NKTR: variants seen among roughly 807,000 people sequenced by gnomAD.
The protein encoded by NKTR is NK-tumor recognition protein.
In NKTR, 67 loss-of-function variants were observed where a neutral mutation model predicts 156.3. The observed-to-expected ratio is 0.43, with a 90% CI of 0.35 to 0.53. The LOEUF is 0.53. Among genes scored for constraint, NKTR ranks in the 20% least tolerant of loss-of-function variants. The probability of loss-of-function intolerance (pLI) is 0.01; values close to 1 mark genes in which losing one functional copy is unlikely to be tolerated. For missense variants in NKTR, 1,604 were observed against 1,730.9 expected (o/e 0.93, Z 1.30); for synonymous variants, 640 against 596.6 (o/e 1.07, Z -1.06).
intron 5 of NKTR, 43 bp downstream of exon 5, chr3:42,619,751 T>C (rs780348386): frequency 1.9e-6 from 3 of 1,602,994 alleles, no homozygotes; most frequent in Non-Finnish European, 1.7e-6. Flanking sequence ...AGTTCTGATA[T>C]TAAAGCAAGT....
rs76544875 is a variant in NKTR, at chr3:42,639,610, G to A, written c.3906G>A (p.Thr1302=). The A allele has an allele frequency of 1.1e-3, 1,795 of 1,614,152 alleles. 9 individuals are homozygous for A. The East Asian group carries it at 0.016, about 14-fold the overall frequency. ...RNQESSSDEQ[T]PSRDDDSQSR... ...AGGAGAGTTCAAGTGATGAGCAGACGCCTAGTCGGGATGATGATAGCCAGT... is the reference window on the plus strand; with the variant it reads ...AGGAGAGTTCAAGTGATGAGCAGACACCTAGTCGGGATGATGATAGCCAGT... Residue 1302 remains threonine, a synonymous_variant, in exon 13 of 17, where the codon ACG becomes ACA. Coordinates refer to ENST00000232978, the MANE Select transcript of NKTR (RefSeq NM_005385.4).
chr3:42,640,797 T>G (rs1201589840), intron 13 of NKTR, among the ~76,000 whole-genome samples: 2 of 152,242 alleles, frequency 1.3e-5, no homozygotes, highest in African/African-American at 4.8e-5. Context: ...TAGCTCTCCT[T>G]TCTCCCACTC....
At position 42,638,279 on chromosome 3, in the gene NKTR, A is replaced by G. The variant is rs549962444; in HGVS notation, c.2575A>G (p.Arg859Gly). The G allele has an allele frequency of 5.4e-5, 87 of 1,606,528 alleles. 1 individual carries two copies. In the South Asian group the frequency reaches 7.2e-4, roughly 13 times the overall value. Residue 859 changes from arginine (R) to glycine (G), a missense_variant, in exon 13 of 17, where the codon AGA (arginine) becomes GGA (glycine). Physicochemically the swap from Arg to Gly is moderately radical, Grantham distance 125. This residue lies in a region of NKTR where 1,255 missense variants were observed against 1,243.7 expected (regional missense o/e 1.01). Transcript: ENST00000232978. ...SERECPHSKK[R>G]TLKENLSDHL... Reference sequence around the variant, plus strand: ...ACGGGAATGCCCTCATTCAAAAAAAAGAACTTTGAAAGAGAATCTTTCTGA... The same window carrying G: ...ACGGGAATGCCCTCATTCAAAAAAAGGAACTTTGAAAGAGAATCTTTCTGA...
intron 11 of NKTR, 56 bp downstream of exon 11, chr3:42,634,756 A>C: frequency 1.1e-6 from 1 of 896,958 alleles, no homozygotes. Flanking sequence ...ATTTTTACCT[A>C]TTTTCAAAGT....
In NKTR at chr3:42,638,681, G is replaced by C; in HGVS notation, c.2977G>C (p.Val993Leu). 1 of 1,611,758 alleles carries C rather than the reference G, an allele frequency of 6.2e-7. No homozygotes were observed. The highest frequency in any genetic ancestry group is 2.2e-5 in the East Asian group (1 of 44,872). ...ENLKREHTKK[V>L]KEKLKGKKDK... ...TCTTAAAAGAGAACACACCAAAAAA[G>C]TGAAAGAGAAATTGAAAGGGAAAAA... Residue 993 changes from valine to leucine, a missense_variant, in exon 13 of 17, where the codon GTG (valine) becomes CTG (leucine). Physicochemically the swap from Val to Leu is conservative, Grantham distance 32. This residue lies in a region of NKTR where 1,255 missense variants were observed against 1,243.7 expected (regional missense o/e 1.01). Coordinates refer to ENST00000232978, the MANE Select transcript of NKTR (RefSeq NM_005385.4).
chr3:42,616,184 T>C (rs1707352646), intron 2 of NKTR, among the ~76,000 whole-genome samples: 1 of 152,232 alleles, frequency 6.6e-6, no homozygotes, highest in Admixed American at 6.5e-5. Context: ...GTGTCTGTTC[T>C]GAACATGATT....
rs565206034 is a variant in NKTR at position 42,632,176 on chromosome 3, T to C, written c.551-425T>C. ...CCTCTGCCTCCTGGGTTCAGGTGATTCTCCTGCCTCAGCCTCTGGAGTAGC... is the reference window on the plus strand; with the variant it reads ...CCTCTGCCTCCTGGGTTCAGGTGATCCTCCTGCCTCAGCCTCTGGAGTAGC... On this transcript the variant is annotated intron_variant, in intron 8 of 16. Transcript: ENST00000232978. Among the ~76,000 whole-genome samples, 5 of 151,226 alleles carry C rather than the reference T, an allele frequency of 3.3e-5. No individual in the cohort carries two copies. The South Asian group carries it at 8.4e-4, about 25-fold the overall frequency.
intron 12 of NKTR, among the ~76,000 whole-genome samples, chr3:42,636,388 T>C (rs1709415721): frequency 6.6e-6 from 1 of 152,194 alleles, no homozygotes; most frequent in African/African-American, 2.4e-5. Context: ...TTTACAGTCT[T>C]AGGGGAAATC....
Position 42,601,006 on chromosome 3 carries a change from G to A in NKTR, c.-1G>A, listed in dbSNP as rs773657695. 6.4e-7 allele frequency: 1 copy of A among 1,567,054 alleles called. No individual in the cohort carries two copies. On this transcript the variant is annotated 5_prime_UTR_variant, in exon 2 of 17. Coordinates refer to ENST00000232978, the MANE Select transcript of NKTR (RefSeq NM_005385.4). ...CAGCTCTTGCCGCCACCTCGGTCGC[G>A]ATGGGGGCGCAGGACCGGCCGCAGT...
In NKTR at chr3:42,633,857, T is replaced by C. The variant is rs1396523298; in HGVS notation, c.929+122T>C. 7 of 1,067,334 alleles carry C rather than the reference T, an allele frequency of 6.6e-6. No individual in the cohort carries two copies. The East Asian group carries it at 1.7e-4, about 25-fold the overall frequency. 66.1% of individuals were successfully genotyped at this position (1,067,334 alleles called of 1,614,324 possible). On this transcript the variant is annotated intron_variant, in intron 10 of 16. Coordinates refer to ENST00000232978, the MANE Select transcript of NKTR (RefSeq NM_005385.4). ...GTTTGAAGCACATTGAAAGATAGTA[T>C]GGGAGTATTAGATTAATGAATGATA...
intron 1 of NKTR, 22 bp from the exon 2 acceptor site, chr3:42,600,962 C>G: frequency 1.3e-6 from 2 of 1,497,958 alleles, no homozygotes; most frequent in Non-Finnish European, 1.8e-6. Context: ...GCCCTGACCG[C>G]TTTTCTCCCC....
chr3:42,637,756 A>T lies in NKTR; in HGVS notation c.2052A>T (p.Arg684Ser). The T allele has an allele frequency of 6.2e-7, 1 of 1,613,786 alleles. No homozygotes were observed. Among genetic ancestry groups the T allele is most frequent in the Non-Finnish European group, 8.5e-7 (1 of 1,179,944 alleles). The change falls in exon 13 of 17, where the codon AGA becomes AGT. Residue 684 changes from arginine (R) to serine (S), a missense_variant. Coordinates refer to ENST00000232978, the MANE Select transcript of NKTR (RefSeq NM_005385.4). ...GCACTTATTCAAAATACAGTGATAGAAGTTCAGAAAGCTCACCAAGGTCAA... is the reference window on the plus strand; with the variant it reads ...GCACTTATTCAAAATACAGTGATAGTAGTTCAGAAAGCTCACCAAGGTCAA... ...DQSTYSKYSD[R>S]SSESSPRSRS... is the part of the protein sequence containing the mutation.
At chr3:42,622,812 T>C (rs887738481) in intron 6 of NKTR, among the ~76,000 whole-genome samples, 1 of 152,076 alleles carries the variant, frequency 6.6e-6, no homozygotes, top group Non-Finnish European at 1.5e-5. Flanking sequence ...GTTTATCCTT[T>C]GGTTGAGGTT....
intron 14 of NKTR, among the ~76,000 whole-genome samples, chr3:42,643,127 A>G (rs1018621025): frequency 6.6e-6 from 1 of 152,246 alleles, no homozygotes; most frequent in Non-Finnish European, 1.5e-5. Flanking sequence ...GACTATATGC[A>G]TCTCAGAGAA....
At position 42,633,727 on chromosome 3, in the gene NKTR, A is replaced by G; in HGVS notation, c.921A>G (p.Glu307=). 6 of 1,613,956 alleles carry G rather than the reference A, an allele frequency of 3.7e-6. No individual in the cohort carries two copies. Among genetic ancestry groups the G allele is most frequent in the Non-Finnish European group, 5.1e-6 (6 of 1,179,930 alleles). ...LRRDMPVVTA[E]PEPKIPDVAP... is the part of the protein sequence containing the mutation. ...GAGATATGCCTGTTGTTACTGCAGA[A>G]CCTGAACCGTAAGTAGGATGACTAA... Residue 307 remains glutamate (E), a synonymous_variant, in exon 10 of 17, where the codon GAA becomes GAG. Transcript: ENST00000232978.
chr3:42,618,862 A>G (rs1707648542), intron 3 of NKTR, among the ~76,000 whole-genome samples, 158 bp from the exon 4 acceptor site: 1 of 152,112 alleles, frequency 6.6e-6, no homozygotes, highest in South Asian at 2.1e-4. Context: ...GTTTGCGTGC[A>G]TGTGTGTATG....
chr3:42,619,633 A>C, intron 4 of NKTR, 31 bp from the exon 5 acceptor site: 3 of 1,604,598 alleles, frequency 1.9e-6, no homozygotes, highest in Non-Finnish European at 2.6e-6. Context: ...TTTAATGTTC[A>C]TTATGGCTTA....
chr3:42,607,580 C>A (rs1181052643), intron 2 of NKTR, among the ~76,000 whole-genome samples: 1 of 151,626 alleles, frequency 6.6e-6, no homozygotes, highest in Non-Finnish European at 1.5e-5. Flanking sequence ...GTATATAATG[C>A]TTGAATGAGA....
At chr3:42,643,816 G>T in intron 15 of NKTR, 86 bp from the exon 16 acceptor site, 4 of 919,182 alleles carry the variant, frequency 4.4e-6, no homozygotes, top group Non-Finnish European at 7.0e-6. Context: ...TTCTAAGCTA[G>T]AACACTCCTG....
Sources: gnomAD v4.1 joint callset for allele counts (sites outside exome capture counted in the v4.1 genomes callset) on GRCh38, gnomAD v4.1.1 for gene constraint, gnomAD v4.1.1 regional missense constraint, MANE v1.5 for transcripts, NCBI Gene and HGNC (gene_info 2026-07-23, HGNC 2026-07-21) for gene names.